Variants in BHMT observed in about 807,000 individuals in gnomAD.
BHMT encodes the protein betaine--homocysteine S-methyltransferase.
In BHMT, 38 loss-of-function variants were observed where a neutral mutation model predicts 49.5. The ratio of observed to expected loss-of-function variants is 0.77; its 90% confidence interval spans 0.59 to 1.01. The LOEUF is 1.01. Among genes scored for constraint, BHMT ranks in the 50% least tolerant of loss-of-function variants. BHMT has a pLI of 0.00. For synonymous variants in BHMT, 166 were observed against 176.3 expected, an observed-to-expected ratio of 0.94 and a Z score of 0.46; for missense variants, 426 against 495.7, an observed-to-expected ratio of 0.86 and a Z score of 1.34.
chr5:79,112,737 G>T (rs1471986777), intron 1 of BHMT, among the ~76,000 whole-genome samples: 1 of 152,206 alleles, frequency 6.6e-6, no homozygotes, highest in Non-Finnish European at 1.5e-5. Context: ...CCATCTCTTG[G>T]CTATCCCAGT....
chr5:79,111,915 G>T lies in BHMT; in HGVS notation c.30G>T (p.Lys10Asn). 6.2e-7 allele frequency: 1 copy of T among 1,608,814 alleles called. No individual in the cohort carries two copies. The highest frequency in any genetic ancestry group is 8.5e-7 in the Non-Finnish European group (1 of 1,177,526). The change falls in exon 1 of 8, where the codon AAG becomes AAT. Residue 10 changes from lysine to asparagine, a missense_variant. By Grantham distance (94) the Lys-to-Asn change is moderately conservative. This residue lies in a region of BHMT where 321 missense variants were observed against 355.9 expected (regional missense o/e 0.90). Transcript: ENST00000274353. ...CACCCGTTGGGGGCAAAAAGGCCAA[G>T]AAGGTGAGTCTCCAGGGGACCCGAG... MPPVGGKKA[K>N]KGILERLNAG...
At position 79,126,031 on chromosome 5, in the gene BHMT, T is replaced by C; in HGVS notation, c.626-15T>C. 1 of 1,590,124 alleles carries C rather than the reference T, an allele frequency of 6.3e-7. No homozygotes were observed. Reference sequence around the variant, plus strand: ...TGGTGCATCCCTAAGTCTATCATGTTCTTCCCACTCACAGGAGCATCCATC... The same window carrying C: ...TGGTGCATCCCTAAGTCTATCATGTCCTTCCCACTCACAGGAGCATCCATC... On this transcript the variant is annotated splice_polypyrimidine_tract_variant and intron_variant, in intron 5 of 7. Transcript: ENST00000274353.
intron 7 of BHMT, among the ~76,000 whole-genome samples, chr5:79,130,213 G>A (rs760543671): frequency 6.6e-6 from 1 of 152,158 alleles, no homozygotes; most frequent in Non-Finnish European, 1.5e-5. Context: ...TACAGATTGA[G>A]GGGAGGGGGT....
At chr5:79,120,620 TG>T (rs1410294803) in intron 4 of BHMT, 79 bp downstream of exon 4, 2 of 1,319,484 alleles carry the variant, frequency 1.5e-6, no homozygotes, top group African/African-American at 1.5e-5. Context: ...GAGTACTGTG[TG>T]GGGTTAGGTG....
intron 5 of BHMT, among the ~76,000 whole-genome samples, chr5:79,123,218 T>C (rs952129894): frequency 2.6e-5 from 4 of 151,974 alleles, no homozygotes; most frequent in African/African-American, 9.7e-5. Flanking sequence ...TTTGGCAAGG[T>C]TGAGGTCATT....
rs114374829 is a variant in BHMT at position 79,114,793 on chromosome 5, G to A, written c.34-974G>A. Among the ~76,000 whole-genome samples the A allele has an allele frequency of 6.4e-3, 975 of 152,242 alleles. 12 individuals carry two copies. Among genetic ancestry groups the A allele is most frequent in the African/African-American group, 0.023 (939 of 41,520 alleles). On this transcript the variant is annotated intron_variant, in intron 1 of 7. Transcript: ENST00000274353. ...TCTTAATTTCTCATTTGTGAAATGA[G>A]AGAGAGATCTCAATTGAATTGAGTA...
intron 7 of BHMT, among the ~76,000 whole-genome samples, chr5:79,128,610 C>A (rs1756591667): frequency 6.6e-6 from 1 of 151,542 alleles, no homozygotes; most frequent in African/African-American, 2.4e-5. Context: ...TAGTAAAGCA[C>A]CATTAGTGTG....
chr5:79,131,152 G>GT lies in BHMT; in HGVS notation c.*39dup. 6.3e-7 allele frequency: 1 copy of GT among 1,578,504 alleles called. No homozygotes were observed. The highest frequency in any genetic ancestry group is 1.4e-5 in the African/African-American group (1 of 73,850). On this transcript the variant is annotated 3_prime_UTR_variant, in exon 8 of 8. Coordinates refer to ENST00000274353, the MANE Select transcript of BHMT (RefSeq NM_001713.3). ...AGCTATTTTTGATGAATTTCTAGGT[G>GT]TTTGGGTCACAGTTCCTACAAATAC...
At chr5:79,120,198 C>A in intron 3 of BHMT, 152 bp from the exon 4 acceptor site, 1 of 672,034 alleles carries the variant, frequency 1.5e-6, no homozygotes, top group Non-Finnish European at 2.3e-6. Flanking sequence ...GCAAACTGTT[C>A]AACTTGGTAA....
At chr5:79,124,814 G>C (rs1222656513) in intron 5 of BHMT, among the ~76,000 whole-genome samples, 1 of 152,216 alleles carries the variant, frequency 6.6e-6, no homozygotes, top group African/African-American at 2.4e-5. Context: ...CAAAATGATT[G>C]ATAGGCTAGT....
intron 1 of BHMT, among the ~76,000 whole-genome samples, chr5:79,112,583 T>A (rs1756320015): frequency 6.6e-6 from 1 of 152,214 alleles, no homozygotes; most frequent in South Asian, 2.1e-4. Flanking sequence ...GGCAATTTGA[T>A]GTCCGTGATG....
chr5:79,122,813 T>A (rs1756491796), intron 5 of BHMT, among the ~76,000 whole-genome samples: 1 of 152,084 alleles, frequency 6.6e-6, no homozygotes, highest in Admixed American at 6.6e-5. Flanking sequence ...CTTGCATATA[T>A]CCACAATATT....
At chr5:79,128,908 A>G (rs1756595231) in intron 7 of BHMT, among the ~76,000 whole-genome samples, 1 of 152,250 alleles carries the variant, frequency 6.6e-6, no homozygotes, top group Non-Finnish European at 1.5e-5. Context: ...ACGAAAGCCA[A>G]TGTATTATAC....
intron 6 of BHMT, among the ~76,000 whole-genome samples, chr5:79,127,303 C>A (rs1756568151): frequency 6.6e-6 from 1 of 152,158 alleles, no homozygotes; most frequent in African/African-American, 2.4e-5. Context: ...GGCCTCAGTT[C>A]CTCAGCTCAT....
At chr5:79,126,302 C>T in intron 6 of BHMT, 74 bp downstream of exon 6, 2 of 1,517,756 alleles carry the variant, frequency 1.3e-6, no homozygotes, top group African/African-American at 1.4e-5. Context: ...AATCTATACC[C>T]AGAGATCTTT....
At chr5:79,128,083 A>C (rs2112732587) in intron 7 of BHMT, 100 bp downstream of exon 7, 2 of 1,378,952 alleles carry the variant, frequency 1.5e-6, no homozygotes, top group East Asian at 5.0e-5. Flanking sequence ...GATGATGAAG[A>C]ATCAGTCATC....
intron 3 of BHMT, among the ~76,000 whole-genome samples, chr5:79,119,779 A>G (rs1756439888): frequency 6.6e-6 from 1 of 152,108 alleles, no homozygotes; most frequent in African/African-American, 2.4e-5. Context: ...TGTTGAACCA[A>G]CCCCTTTACC....
chr5:79,120,404 G>A lies in BHMT; in HGVS notation c.340G>A (p.Gly114Arg). Residue 114 changes from glycine (G) to arginine (R), a missense_variant, in exon 4 of 8, where the codon GGA becomes AGA. Gly to Arg is a moderately radical substitution (Grantham distance 125). Transcript: ENST00000274353. ...CDIARQVADE[G>R]DALVAGGVSQ... ...CATCGCCCGACAAGTGGCTGATGAA[G>A]GAGATGCTTTGGTAGCAGGAGGAGT... 2 of 1,613,964 alleles carry A rather than the reference G, an allele frequency of 1.2e-6. No individual in the cohort carries two copies. The highest frequency in any genetic ancestry group is 1.7e-6 in the Non-Finnish European group (2 of 1,179,962).
At chr5:79,128,748 A>T (rs1756593500) in intron 7 of BHMT, among the ~76,000 whole-genome samples, 1 of 152,174 alleles carries the variant, frequency 6.6e-6, no homozygotes, top group Non-Finnish European at 1.5e-5. Context: ...AAGACAGGCA[A>T]GGTCTTTGCC....
Sources: allele counts gnomAD v4.1 joint callset (sites outside exome capture counted in the v4.1 genomes callset), GRCh38; gene constraint gnomAD v4.1.1; regional missense constraint gnomAD v4.1.1; transcripts MANE v1.5; gene names NCBI Gene and HGNC (gene_info 2026-07-23, HGNC 2026-07-21).